The following PDCL2 variants were observed in gnomAD, a reference collection of about 807,000 sequenced individuals.
The protein encoded by PDCL2 is phosducin-like protein 2.
Under a neutral mutation model 30.3 loss-of-function variants are expected in PDCL2, and 23 were observed. The observed-to-expected ratio is 0.76, with a 90% confidence interval of 0.55 to 1.08. PDCL2 has a LOEUF of 1.08. Ranked by LOEUF, PDCL2 falls within the 50% of genes least tolerant of loss-of-function variation. The probability of loss-of-function intolerance (pLI) is 0.00; values close to 1 mark genes in which losing one functional copy is unlikely to be tolerated. For missense variants in PDCL2, 243 were observed against 282.3 expected (o/e 0.86, Z 1.00); for synonymous variants, 68 against 86.2 (o/e 0.79, Z 1.17).
intron 4 of PDCL2, among the ~76,000 whole-genome samples, chr4:55,566,427 C>CTAT (rs1732269980): frequency 2.8e-5 from 3 of 108,442 alleles, no homozygotes; most frequent in Non-Finnish European, 6.2e-5. Flanking sequence ...TTTCCTTTTT[C>CTAT]TCTTTTTTTT....
chr4:55,562,665 G>T, intron 4 of PDCL2, 53 bp from the exon 5 acceptor site: 3 of 1,231,274 alleles, frequency 2.4e-6, no homozygotes, highest in Non-Finnish European at 3.3e-6. Context: ...ACTCATCTCA[G>T]TCTAATGAAA....
In PDCL2 at chr4:55,568,641, A is replaced by G. The variant is rs139972139; in HGVS notation, c.362+1077T>C. On this transcript the variant is annotated intron_variant, in intron 4 of 5. Coordinates refer to ENST00000295645, the MANE Select transcript of PDCL2 (RefSeq NM_152401.3). ...GAACGTTCTTGAAGGGATTCATAGT[A>G]TACCACACCAAAATAAGCCACTCTG... Among the ~76,000 whole-genome samples, 507 of 152,334 alleles carry G rather than the reference A, an allele frequency of 3.3e-3. 2 individuals are homozygous for G. Among genetic ancestry groups the G allele is most frequent in the African/African-American group, 0.011 (466 of 41,570 alleles).
intron 3 of PDCL2, among the ~76,000 whole-genome samples, chr4:55,573,088 C>T (rs1044043760): frequency 6.6e-5 from 10 of 152,090 alleles, no homozygotes; most frequent in Non-Finnish European, 1.5e-4. Flanking sequence ...CCACTTAATT[C>T]TGAATTCAAA....
In PDCL2 at chr4:55,562,479, C is replaced by T. The variant is rs779415306; in HGVS notation, c.496G>A (p.Val166Met). 19 of 1,553,976 alleles carry T rather than the reference C, an allele frequency of 1.2e-5. No individual in the cohort carries two copies. Among genetic ancestry groups the T allele is most frequent in the Middle Eastern group, 1.7e-4 (1 of 5,878 alleles). Residue 166 changes from valine (V) to methionine (M), a missense_variant, in exon 5 of 6, where the codon GTG becomes ATG. By Grantham distance (21) the Val-to-Met change is conservative (BLOSUM62 1). Coordinates refer to ENST00000295645, the MANE Select transcript of PDCL2 (RefSeq NM_152401.3). ...YHDNCLPTIF[V>M]YKNGQIEAKF... ...GCTTCTATCTGACCATTTTTATACA[C>T]AAAAATTGTTGGTAAACAATTGTCA... is the stretch of plus-strand genomic sequence containing the variant.
intron 5 of PDCL2, among the ~76,000 whole-genome samples, chr4:55,561,689 T>A (rs922203095): frequency 6.6e-6 from 1 of 152,036 alleles, no homozygotes; most frequent in Non-Finnish European, 1.5e-5. Context: ...TGCCAAAAAA[T>A]GAATATATCA....
chr4:55,558,673 G>T (rs1446338385), intron 5 of PDCL2, among the ~76,000 whole-genome samples: 1 of 152,120 alleles, frequency 6.6e-6, no homozygotes, highest in African/African-American at 2.4e-5. Context: ...TTAGAAGAAA[G>T]TATAGGAGAA....
intron 4 of PDCL2, among the ~76,000 whole-genome samples, chr4:55,565,441 A>G (rs778891931): frequency 7.2e-5 from 11 of 152,174 alleles, no homozygotes; most frequent in Non-Finnish European, 7.3e-5. Flanking sequence ...AAGCAAACAC[A>G]TTCTTCTTCA....
chr4:55,563,435 C>T (rs1732183833), intron 4 of PDCL2, among the ~76,000 whole-genome samples: 1 of 152,166 alleles, frequency 6.6e-6, no homozygotes, highest in Admixed American at 6.5e-5. Flanking sequence ...AATCCCGGCA[C>T]TTTGGGAGGC....
chr4:55,582,303 C>T, intron 1 of PDCL2, 66 bp from the exon 2 acceptor site: 2 of 1,455,688 alleles, frequency 1.4e-6, no homozygotes, highest in Non-Finnish European at 1.8e-6. Flanking sequence ...TTGGAAAATT[C>T]ATTAAGATGT....
At chr4:55,576,514 C>G (rs1332598136) in intron 3 of PDCL2, among the ~76,000 whole-genome samples, 1 of 152,100 alleles carries the variant, frequency 6.6e-6, no homozygotes, top group Non-Finnish European at 1.5e-5. Context: ...GTGACACTAA[C>G]AAATAAGGAG....
At chr4:55,578,408 G>A (rs1036454653) in intron 3 of PDCL2, among the ~76,000 whole-genome samples, 25 of 152,310 alleles carry the variant, frequency 1.6e-4, no homozygotes, top group African/African-American at 5.5e-4. Flanking sequence ...ACTGAGGGCT[G>A]AAATCAACTG....
At chr4:55,585,371 T>C (rs1268171076) in intron 1 of PDCL2, among the ~76,000 whole-genome samples, 1 of 151,878 alleles carries the variant, frequency 6.6e-6, no homozygotes, top group East Asian at 1.9e-4. Flanking sequence ...CTACTAAAAA[T>C]ACAAAAATTA....
chr4:55,587,216 T>TAAAAAAA (rs869107656), intron 1 of PDCL2, among the ~76,000 whole-genome samples: 13 of 62,834 alleles, frequency 2.1e-4, no homozygotes, highest in African/African-American at 9.7e-4. Flanking sequence ...GACAGAATAG[T>TAAAAAAA]AAAAAAAAAA....
At chr4:55,590,459 C>CAAA (rs60866606) in intron 1 of PDCL2, among the ~76,000 whole-genome samples, 2,877 of 95,640 alleles carry the variant, frequency 0.03, 248 homozygotes, top group African/African-American at 0.12. Flanking sequence ...ATCCTGTCTC[C>CAAA]AAAAAAAAAA....
chr4:55,562,210 C>G (rs532225803), intron 5 of PDCL2, among the ~76,000 whole-genome samples, 194 bp downstream of exon 5: 1 of 152,094 alleles, frequency 6.6e-6, no homozygotes, highest in African/African-American at 2.4e-5. Flanking sequence ...TTACTTGAGA[C>G]AGGGAACTAT....
In PDCL2 at chr4:55,584,476, C is replaced by T. The variant is rs146648574; in HGVS notation, c.7-2239G>A. 9.5e-3 allele frequency among the ~76,000 whole-genome samples: 1,441 copies of T among 152,076 alleles called. 28 individuals carry two copies. The highest frequency in any genetic ancestry group is 0.033 in the African/African-American group (1,374 of 41,472). On this transcript the variant is annotated intron_variant, in intron 1 of 5. Coordinates refer to ENST00000295645, the MANE Select transcript of PDCL2 (RefSeq NM_152401.3). ...TTCACCATGTTGGCCAGGCTGGTCT[C>T]GAACTCCTGGCTGCAAGTGATTCAC...
chr4:55,558,388 C>T (rs1732039615), intron 5 of PDCL2, among the ~76,000 whole-genome samples: 1 of 152,022 alleles, frequency 6.6e-6, no homozygotes, highest in Admixed American at 6.6e-5. Context: ...GGGCTTTTTC[C>T]CCACTTCACT....
At chr4:55,558,110 T>C (rs1732024748) in intron 5 of PDCL2, among the ~76,000 whole-genome samples, 2 of 135,630 alleles carry the variant, frequency 1.5e-5, no homozygotes, top group Admixed American at 1.6e-4. Context: ...TGGGCAACAG[T>C]GCAAGACTCC....
intron 3 of PDCL2, among the ~76,000 whole-genome samples, chr4:55,576,840 C>T (rs1732582050): frequency 6.6e-6 from 1 of 151,944 alleles, no homozygotes; most frequent in Non-Finnish European, 1.5e-5. Context: ...TGATTAATCT[C>T]CAACTAAAGG....
Sources: gnomAD v4.1 joint callset for allele counts (sites outside exome capture counted in the v4.1 genomes callset) on GRCh38, gnomAD v4.1.1 for gene constraint, MANE v1.5 for transcripts, NCBI Gene and HGNC (gene_info 2026-07-23, HGNC 2026-07-21) for gene names.